RMST: variants seen among roughly 807,000 people sequenced by gnomAD.
RMST encodes long intergenic non-protein coding RNA 54.
At chr12:97,507,579 C>T (rs1376397985) in intron 10 of RMST, among the ~76,000 whole-genome samples, 1 of 152,096 alleles carries the variant, frequency 6.6e-6, no homozygotes, top group Non-Finnish European at 1.5e-5. Context: ...GATGGTCGTG[C>T]CACTATGACT....
At chr12:97,533,388 A>G (rs939997524) in intron 11 of RMST, 4 of 151,852 alleles carry the variant, frequency 2.6e-5, no homozygotes, top group African/African-American at 9.7e-5. Context: ...TTTTTGGTAC[A>G]GTTGCTTATG....
At chr12:97,491,976 G>A (rs772087648) in intron 5 of RMST, 12 of 532,866 alleles carry the variant, frequency 2.3e-5, no homozygotes, top group Admixed American at 7.8e-5. Flanking sequence ...GTGTAGACAT[G>A]GCCTGATAAA....
chr12:97,471,848 T>C (rs771693065), intron 5 of RMST, among the ~76,000 whole-genome samples: 34 of 152,086 alleles, frequency 2.2e-4, no homozygotes, highest in Non-Finnish European at 4.7e-4. Context: ...GTTGAGTTGG[T>C]TGAAGATTTT....
At chr12:97,477,737 G>A (rs2136408797) in intron 5 of RMST, among the ~76,000 whole-genome samples, 1 of 152,312 alleles carries the variant, frequency 6.6e-6, no homozygotes, top group Admixed American at 6.5e-5. Flanking sequence ...ATGAGGAAGA[G>A]AAAGGATAAG....
chr12:97,519,093 A>G (rs1162550493), intron 10 of RMST, among the ~76,000 whole-genome samples: 1 of 152,172 alleles, frequency 6.6e-6, no homozygotes, highest in Non-Finnish European at 1.5e-5. Flanking sequence ...TCACCTCTTC[A>G]ATGAAGAATT....
At chr12:97,537,091 C>A (rs1424644907) in intron 11 of RMST, among the ~76,000 whole-genome samples, 2 of 151,340 alleles carry the variant, frequency 1.3e-5, no homozygotes, top group African/African-American at 2.4e-5. Context: ...AAATAAATTG[C>A]TATTGTGATT....
chr12:97,519,114 A>C (rs781629410), intron 10 of RMST, among the ~76,000 whole-genome samples: 10 of 152,154 alleles, frequency 6.6e-5, no homozygotes, highest in Non-Finnish European at 1.2e-4. Context: ...CTATATCTTT[A>C]TCCCTCAATG....
chr12:97,479,407 C>T (rs1205395865), intron 5 of RMST, among the ~76,000 whole-genome samples: 1 of 152,126 alleles, frequency 6.6e-6, no homozygotes, highest in African/African-American at 2.4e-5. Flanking sequence ...CCTGCCTTGG[C>T]CTCCCAAAGT....
chr12:97,558,079 C>T (rs934764419), intron 11 of RMST, among the ~76,000 whole-genome samples: 2 of 151,890 alleles, frequency 1.3e-5, no homozygotes, highest in African/African-American at 4.8e-5. Flanking sequence ...TCCTTTCTAC[C>T]CTCTTCCTTC....
chr12:97,509,107 C>T (rs1879008432), intron 10 of RMST, among the ~76,000 whole-genome samples: 2 of 152,086 alleles, frequency 1.3e-5, no homozygotes, highest in African/African-American at 2.4e-5. Flanking sequence ...ACCAGGAGAC[C>T]GTTGTTACTT....
chr12:97,533,332 AT>A (rs1881822914), intron 11 of RMST: 1 of 151,858 alleles, frequency 6.6e-6, no homozygotes, highest in Admixed American at 6.6e-5. Flanking sequence ...GAAATTGCAT[AT>A]CATATCCATG....
intron 10 of RMST, among the ~76,000 whole-genome samples, chr12:97,508,654 A>G (rs1740874932): frequency 6.6e-6 from 1 of 152,158 alleles, no homozygotes; most frequent in South Asian, 2.1e-4. Flanking sequence ...CCCAGGGTGT[A>G]ACTTTTTTGT....
intron 5 of RMST, among the ~76,000 whole-genome samples, chr12:97,485,549 T>A (rs1875991102): frequency 6.6e-6 from 1 of 152,208 alleles, no homozygotes; most frequent in African/African-American, 2.4e-5. Flanking sequence ...GCTTGTTAGC[T>A]TTAGGTAATT....
rs559629356 is a variant in RMST, at chr12:97,513,747, G to T, written n.1341-16908G>T. Among the ~76,000 whole-genome samples the T allele has an allele frequency of 4.6e-5, 7 of 152,258 alleles. No individual in the cohort carries two copies. In the South Asian group the frequency reaches 1.2e-3, roughly 27 times the overall value. ...GGTGATGCAAATCAAAAGGGGTATG[G>T]ATCAATTGGAGTGTCTTGGGAAGAT... On this transcript the variant is annotated intron_variant and non_coding_transcript_variant, in intron 10 of 13. Transcript: ENST00000640149.
chr12:97,504,403 CAAA>C (rs5800313), intron 10 of RMST, among the ~76,000 whole-genome samples: 82 of 56,584 alleles, frequency 1.4e-3, no homozygotes, highest in African/African-American at 3.3e-3. Context: ...GACTTCATTT[CAAA>C]AAAAAAAAAA....
chr12:97,535,945 T>A (rs11109098), intron 11 of RMST, among the ~76,000 whole-genome samples: 9,564 of 151,606 alleles, frequency 0.063, 404 homozygotes, highest in East Asian at 0.19. Context: ...TGAAAACCAA[T>A]CATTAGGCTT....
At chr12:97,493,044 C>G (rs1820167258) in intron 6 of RMST, 1 of 152,238 alleles carries the variant, frequency 6.6e-6, no homozygotes, top group South Asian at 2.1e-4. Flanking sequence ...AGTAATGGCT[C>G]AGAAAAAATC....
At chr12:97,486,365 G>A (rs953470913) in intron 5 of RMST, among the ~76,000 whole-genome samples, 59 of 139,244 alleles carry the variant, frequency 4.2e-4, no homozygotes, top group African/African-American at 1.4e-3. Context: ...CCTTGAACAT[G>A]CTCCTATGAA....
chr12:97,553,061 T>C (rs1343499058), intron 11 of RMST, among the ~76,000 whole-genome samples: 3 of 152,198 alleles, frequency 2.0e-5, no homozygotes. Context: ...ATACATTTTG[T>C]GAATTTGTTA....
Sources: gnomAD v4.1 joint callset for allele counts (sites outside exome capture counted in the v4.1 genomes callset) on GRCh38, gnomAD v4.1.1 for gene constraint, MANE v1.5 for transcripts, NCBI Gene and HGNC (gene_info 2026-07-23, HGNC 2026-07-21) for gene names.